ESRRG: variants seen among roughly 807,000 people sequenced by gnomAD.
ESRRG encodes estrogen related receptor gamma.
A neutral mutation model predicts 44.0 loss-of-function variants in ESRRG; 13 were observed. The observed-to-expected ratio is 0.30, with a 90% CI of 0.19 to 0.47. ESRRG has a LOEUF of 0.47. ESRRG is among the 20% of genes least tolerant of loss of function. The pLI, the probability that ESRRG is intolerant of heterozygous loss-of-function variation, is 1.00. For missense variants in ESRRG, 395 were observed against 580.6 expected (o/e 0.68, Z 3.29); for synonymous variants, 215 against 214.6 (o/e 1.00, Z -0.02).
chr1:216,920,597 A>G (rs949335319), intron 2 of ESRRG, among the ~76,000 whole-genome samples: 5 of 152,212 alleles, frequency 3.3e-5, no homozygotes, highest in African/African-American at 1.2e-4. Context: ...AAAGAGACTT[A>G]TATCATCTTG....
intron 1 of ESRRG, among the ~76,000 whole-genome samples, chr1:217,017,933 A>G (rs1470473703): frequency 6.6e-6 from 1 of 152,240 alleles, no homozygotes; most frequent in Non-Finnish European, 1.5e-5. Context: ...ACTTAGTGGA[A>G]TAAACAAAAG....
At chr1:216,724,783 C>T (rs1190885809), upstream of ESRRG, among the ~76,000 whole-genome samples, 1 of 152,032 alleles carries the variant, frequency 6.6e-6, no homozygotes, top group Non-Finnish European at 1.5e-5. Context: ...TGCTTAGGTC[C>T]TATTTTAATC....
At chr1:217,041,420 C>T (rs1039678289) in intron 1 of ESRRG, among the ~76,000 whole-genome samples, 12 of 152,162 alleles carry the variant, frequency 7.9e-5, no homozygotes, top group African/African-American at 2.4e-4. Context: ...TATAAACACA[C>T]TCACACACAT....
At chr1:216,896,399 C>T (rs2058421265) in intron 2 of ESRRG, among the ~76,000 whole-genome samples, 1 of 152,120 alleles carries the variant, frequency 6.6e-6, no homozygotes, top group Non-Finnish European at 1.5e-5. Flanking sequence ...CAGGTAATCC[C>T]CTTTATAGGC....
chr1:216,775,607 G>A (rs774531967), intron 2 of ESRRG, among the ~76,000 whole-genome samples: 57 of 121,388 alleles, frequency 4.7e-4, no homozygotes, highest in Non-Finnish European at 6.5e-4. Flanking sequence ...AGCGTCTCAC[G>A]CTGTCGCACA....
intron 1 of ESRRG, among the ~76,000 whole-genome samples, chr1:216,678,321 C>A (rs553474921): frequency 2.6e-5 from 4 of 152,266 alleles, no homozygotes; most frequent in African/African-American, 4.8e-5. Flanking sequence ...TCAGTAAAAG[C>A]CATTTGAGCC....
At chr1:216,724,266 T>C (rs897430095), upstream of ESRRG, among the ~76,000 whole-genome samples, 3 of 152,014 alleles carry the variant, frequency 2.0e-5, no homozygotes, top group African/African-American at 7.2e-5. Flanking sequence ...CAGGACAAAT[T>C]GGCTTCTTCA....
chr1:216,958,728 G>T (rs921040725), intron 1 of ESRRG, among the ~76,000 whole-genome samples: 1 of 152,014 alleles, frequency 6.6e-6, no homozygotes, highest in East Asian at 1.9e-4. Flanking sequence ...AGCACAACAC[G>T]ATCTGCCGCT....
At chr1:216,514,373 T>A (rs989153117) in intron 6 of ESRRG, among the ~76,000 whole-genome samples, 1 of 152,142 alleles carries the variant, frequency 6.6e-6, no homozygotes, top group Admixed American at 6.6e-5. Flanking sequence ...TATGGTTTGT[T>A]CTGGGTAAAA....
intron 5 of ESRRG, among the ~76,000 whole-genome samples, chr1:216,536,240 C>T (rs570778057): frequency 1.6e-4 from 24 of 152,224 alleles, no homozygotes; most frequent in African/African-American, 5.8e-4. Flanking sequence ...CCCTTCTCCC[C>T]AAAGAGCAAG....
intron 5 of ESRRG, 75 bp from the exon 6 acceptor site, chr1:216,519,496 G>A (rs910373324): frequency 1.1e-5 from 15 of 1,380,600 alleles, no homozygotes; most frequent in Non-Finnish European, 1.5e-5. Flanking sequence ...TCATATGGTA[G>A]CTGGCTTCTG....
chr1:216,515,558 AGAGTT>A (rs1457454063), intron 6 of ESRRG, among the ~76,000 whole-genome samples: 2 of 152,210 alleles, frequency 1.3e-5, no homozygotes, highest in African/African-American at 4.8e-5. Context: ...TGAGGTTGTT[AGAGTT>A]ATTTATGATT....
intron 1 of ESRRG, among the ~76,000 whole-genome samples, chr1:216,949,002 TC>T (rs1211855581): frequency 6.6e-6 from 1 of 152,108 alleles, no homozygotes; most frequent in East Asian, 1.9e-4. Flanking sequence ...GAAGGAGGCC[TC>T]TCCCCTGGGC....
At chr1:216,682,253 T>G (rs1412840575) in intron 1 of ESRRG, among the ~76,000 whole-genome samples, 2 of 152,220 alleles carry the variant, frequency 1.3e-5, no homozygotes, top group Non-Finnish European at 2.9e-5. Context: ...TTCTCATGTG[T>G]TATACTAAGG....
At chr1:216,579,939 C>T (rs978191238) in intron 3 of ESRRG, among the ~76,000 whole-genome samples, 10 of 152,042 alleles carry the variant, frequency 6.6e-5, no homozygotes, top group Non-Finnish European at 1.3e-4. Context: ...GAATATAGAC[C>T]GGCCTAACTG....
chr1:216,520,225 T>C (rs957868004), intron 5 of ESRRG, among the ~76,000 whole-genome samples: 4 of 152,150 alleles, frequency 2.6e-5, no homozygotes, highest in African/African-American at 9.7e-5. Flanking sequence ...CTCTTTCACC[T>C]TGAGCAAGAG....
chr1:216,665,244 T>A (rs997804516), intron 2 of ESRRG, among the ~76,000 whole-genome samples: 12 of 152,146 alleles, frequency 7.9e-5, no homozygotes, highest in Admixed American at 2.0e-4. Flanking sequence ...GATATGTATG[T>A]ATAGAAAAAA....
At chr1:216,920,817 T>G (rs1297612785) in intron 2 of ESRRG, among the ~76,000 whole-genome samples, 3 of 152,178 alleles carry the variant, frequency 2.0e-5, no homozygotes, top group African/African-American at 7.2e-5. Flanking sequence ...AGGAGCTGCA[T>G]GAAAAGGTCA....
At chr1:216,718,809 T>A (rs2085496868) in intron 1 of ESRRG, among the ~76,000 whole-genome samples, 1 of 152,006 alleles carries the variant, frequency 6.6e-6, no homozygotes. Context: ...GAATTTGCTA[T>A]GAAGCAAAAT....
Sources: allele counts gnomAD v4.1 joint callset (sites outside exome capture counted in the v4.1 genomes callset), GRCh38; gene constraint gnomAD v4.1.1; transcripts MANE v1.5; gene names NCBI Gene and HGNC (gene_info 2026-07-23, HGNC 2026-07-21).